The following MINDY2 variants were observed in gnomAD, a reference collection of about 807,000 sequenced individuals.
MINDY2 encodes the protein ubiquitin carboxyl-terminal hydrolase MINDY-2.
A neutral mutation model predicts 68.2 loss-of-function variants in MINDY2; 52 were observed. The observed-to-expected ratio is 0.76, with a 90% CI of 0.61 to 0.96. MINDY2 has a LOEUF of 0.96. MINDY2 is among the 40% of genes least tolerant of loss of function. The pLI, the probability that MINDY2 is intolerant of heterozygous loss-of-function variation, is 0.00. For synonymous variants in MINDY2, 372 were observed against 303.0 expected, an observed-to-expected ratio of 1.23 and a Z score of -2.36; for missense variants, 881 against 773.4, an observed-to-expected ratio of 1.14 and a Z score of -1.65.
chr15:58,816,161 G>A (rs2030672317), intron 4 of MINDY2, among the ~76,000 whole-genome samples: 1 of 152,184 alleles, frequency 6.6e-6, no homozygotes, highest in Non-Finnish European at 1.5e-5. Flanking sequence ...TAATAGCAAG[G>A]ACTTGGCAGT....
At chr15:58,802,245 A>G in intron 2 of MINDY2, 68 bp from the exon 3 acceptor site, 5 of 1,012,092 alleles carry the variant, frequency 4.9e-6, no homozygotes, top group Non-Finnish European at 5.9e-6. Flanking sequence ...ATTAAGATCT[A>G]TTACTTTTGT....
In MINDY2 at chr15:58,821,753, T is replaced by G. The variant is rs761667345; in HGVS notation, c.1159T>G (p.Tyr387Asp). The change falls in exon 5 of 9, where the codon TAC becomes GAC. Residue 387 changes from tyrosine to aspartate, a missense_variant. By Grantham distance (160) the Tyr-to-Asp change is radical (BLOSUM62 -3). Coordinates refer to ENST00000559228, the MANE Select transcript of MINDY2 (RefSeq NM_001040450.3). Reference sequence around the variant, plus strand: ...TGTAAAAGCTGTTGGTAACTGCAGCTACAACCAACTAGTGGAGAAGATCAT... The same window carrying G: ...TGTAAAAGCTGTTGGTAACTGCAGCGACAACCAACTAGTGGAGAAGATCAT... ...DIVKAVGNCSYNQLVEKIISC... is the reference protein window; with the variant it reads ...DIVKAVGNCSDNQLVEKIISC... 2 of 1,591,294 alleles carry G rather than the reference T, an allele frequency of 1.3e-6. No individual in the cohort carries two copies. Among genetic ancestry groups the G allele is most frequent in the Non-Finnish European group, 1.7e-6 (2 of 1,172,438 alleles).
At position 58,847,425 on chromosome 15, in the gene MINDY2, A is replaced by G. The variant is rs1293237341; in HGVS notation, c.1497A>G (p.Ser499=). ...CAGAATTTCATCTTCGACCTCCTTC[A>G]GATCCTGAAACTGTATACAAAGGAC... is the stretch of plus-strand genomic sequence containing the variant. ...CDSEFHLRPP[S]DPETVYKGQQ... The change falls in exon 7 of 9, where the codon TCA becomes TCG. Residue 499 remains serine (S), a synonymous_variant. Coordinates refer to ENST00000559228, the MANE Select transcript of MINDY2 (RefSeq NM_001040450.3). 2.5e-6 allele frequency: 4 copies of G among 1,605,292 alleles called. No individual in the cohort carries two copies. Among genetic ancestry groups the G allele is most frequent in the African/African-American group, 2.7e-5 (2 of 74,840 alleles).
intron 6 of MINDY2, among the ~76,000 whole-genome samples, chr15:58,839,992 T>C (rs1433993786): frequency 6.6e-6 from 1 of 151,920 alleles, no homozygotes; most frequent in Non-Finnish European, 1.5e-5. Flanking sequence ...GCCACCACGC[T>C]CAGCTAATTT....
chr15:58,815,939 A>T (rs1189330079), intron 4 of MINDY2, among the ~76,000 whole-genome samples: 2 of 152,116 alleles, frequency 1.3e-5, no homozygotes, highest in Non-Finnish European at 2.9e-5. Flanking sequence ...CGGCCTCCCA[A>T]AGTGCTGGGA....
At position 58,856,416 on chromosome 15, in the gene MINDY2, G is replaced by A. The variant is rs1438273961; in HGVS notation, c.*1806G>A. 4 of 152,540 alleles carry A rather than the reference G, an allele frequency of 2.6e-5. No individual in the cohort carries two copies. The highest frequency in any genetic ancestry group is 2.6e-4 in the Admixed American group (4 of 15,264). The allele number at this position is 152,540 out of a possible 1,614,324, so 9.4% of individuals were successfully genotyped here. The stretch of plus-strand genomic sequence containing the variant: ...TTATTTATGGAAGGAATTATTCTAA[G>A]GGAAAAATCCAGGGTCAAGCTGTAT... On this transcript the variant is annotated 3_prime_UTR_variant, in exon 9 of 9. Transcript: ENST00000559228.
intron 5 of MINDY2, among the ~76,000 whole-genome samples, chr15:58,824,701 G>A (rs982798636): frequency 7.3e-5 from 10 of 136,104 alleles, no homozygotes; most frequent in African/African-American, 2.5e-4. Context: ...AGACAGTCTC[G>A]CTCTGTCACC....
At chr15:58,822,918 A>G (rs1567062093) in intron 5 of MINDY2, among the ~76,000 whole-genome samples, 1 of 152,164 alleles carries the variant, frequency 6.6e-6, no homozygotes, top group Non-Finnish European at 1.5e-5. Flanking sequence ...AGATATAATA[A>G]AAGTTTATTA....
intron 5 of MINDY2, among the ~76,000 whole-genome samples, chr15:58,826,909 ACTCCTTTCCTTCCTTGCTTCCTCC>A (rs1239397773): frequency 2.2e-5 from 3 of 138,028 alleles, no homozygotes; most frequent in South Asian, 2.3e-4. Flanking sequence ...TTGCTTCCTC[ACTCCTTTCCTTCCTTGCTTCCTCC>A]CTCCTTTCCT....
intron 1 of MINDY2, 61 bp from the exon 2 acceptor site, chr15:58,787,845 C>A (rs975054848): frequency 2.5e-5 from 28 of 1,138,030 alleles, no homozygotes; most frequent in Admixed American, 1.9e-4. Context: ...TTTCTGACTG[C>A]AAGAAATACT....
rs1595781764 is a variant in MINDY2, at chr15:58,847,602, A to G, written c.1542+132A>G. On this transcript the variant is annotated intron_variant, in intron 7 of 8. Transcript: ENST00000559228. ...TGTGAAATTTTCCTGACACTTCCTGAATAGTTGGTGATCATTCTACATGTA... is the reference window on the plus strand; with the variant it reads ...TGTGAAATTTTCCTGACACTTCCTGGATAGTTGGTGATCATTCTACATGTA... 28 of 665,814 alleles carry G rather than the reference A, an allele frequency of 4.2e-5. No individual in the cohort carries two copies. The East Asian group carries it at 7.2e-4, about 17-fold the overall frequency. The allele number at this position is 665,814 out of a possible 1,614,324, so 41.2% of individuals were successfully genotyped here.
At chr15:58,809,242 C>G (rs1001798980) in intron 3 of MINDY2, among the ~76,000 whole-genome samples, 2 of 152,146 alleles carry the variant, frequency 1.3e-5, no homozygotes, top group East Asian at 3.9e-4. Context: ...CCACTTCCCC[C>G]AGTCCCCTGG....
At chr15:58,838,753 A>AT (rs1329063549) in intron 6 of MINDY2, among the ~76,000 whole-genome samples, 4 of 150,948 alleles carry the variant, frequency 2.6e-5, no homozygotes, top group South Asian at 2.1e-4. Context: ...CTCCTGGCTT[A>AT]TTTTTTTTAG....
intron 7 of MINDY2, 40 bp from the exon 8 acceptor site, chr15:58,851,731 A>C: frequency 4.8e-6 from 7 of 1,455,040 alleles, no homozygotes; most frequent in Non-Finnish European, 6.5e-6. Flanking sequence ...TTCTTGGGTA[A>C]AATCTCATAG....
In MINDY2 at chr15:58,857,546, A is replaced by AAAG. The variant is rs1333558507; in HGVS notation, c.*2938_*2939insGAA. Reference sequence around the variant, plus strand: ...GAGACTCCGTCTCAAAAAAAAAAAAAAAAAAAAAATTAGAGCTATTGTGTC... The same window carrying AAAG: ...GAGACTCCGTCTCAAAAAAAAAAAAAAAGAAAAAAAAATTAGAGCTATTGTGTC... On this transcript the variant is annotated 3_prime_UTR_variant, in exon 9 of 9. Transcript: ENST00000559228. The AAAG allele has an allele frequency of 6.6e-6, 1 of 151,890 alleles. No homozygotes were observed. Among genetic ancestry groups the AAAG allele is most frequent in the Non-Finnish European group, 1.5e-5 (1 of 68,040 alleles). 9.4% of individuals were successfully genotyped at this position (151,890 alleles called of 1,614,324 possible).
At chr15:58,852,259 G>C (rs907441391) in intron 8 of MINDY2, among the ~76,000 whole-genome samples, 1 of 105,812 alleles carries the variant, frequency 9.5e-6, no homozygotes, top group East Asian at 3.3e-4. Flanking sequence ...CTACACTCCA[G>C]TCAGGATGAT....
intron 4 of MINDY2, chr15:58,817,804 T>C (rs2030794709): frequency 6.6e-6 from 1 of 152,234 alleles, no homozygotes; most frequent in African/African-American, 2.4e-5. Context: ...TCATTCCTTG[T>C]GATGAGAGTG....
intron 4 of MINDY2, among the ~76,000 whole-genome samples, chr15:58,820,235 T>C (rs2030974054): frequency 6.6e-6 from 1 of 151,306 alleles, no homozygotes; most frequent in African/African-American, 2.4e-5. Flanking sequence ...CAGTGCACTC[T>C]AGCCTGGCGA....
chr15:58,823,609 GA>G lies in MINDY2; in HGVS notation c.1225+1791del, dbSNP rs561119532. 1.8e-4 allele frequency among the ~76,000 whole-genome samples: 28 copies of G among 152,238 alleles called. No individual in the cohort carries two copies. In the East Asian group the frequency reaches 5.2e-3, roughly 28 times the overall value. On this transcript the variant is annotated intron_variant, in intron 5 of 8. Coordinates refer to ENST00000559228, the MANE Select transcript of MINDY2 (RefSeq NM_001040450.3). ...GAGCCCAGGAGGTCAAGGCTGCAGTGAGCCAATATCATGCCACTACACTCCA... is the reference window on the plus strand; with the variant it reads ...GAGCCCAGGAGGTCAAGGCTGCAGTGGCCAATATCATGCCACTACACTCCA...
Sources: allele counts gnomAD v4.1 joint callset (sites outside exome capture counted in the v4.1 genomes callset), GRCh38; gene constraint gnomAD v4.1.1; transcripts MANE v1.5; gene names NCBI Gene and HGNC (gene_info 2026-07-23, HGNC 2026-07-21).